ZNF577: variants seen among roughly 807,000 people sequenced by gnomAD.
The protein encoded by ZNF577 is zinc finger protein 577.
Under a neutral mutation model 13.9 loss-of-function variants are expected in ZNF577, and 14 were observed. That is an observed-to-expected ratio of 1.00 (90% CI 0.66 to 1.57). ZNF577 has a LOEUF of 1.57. ZNF577 is among the 40% of genes most tolerant of loss of function. The pLI, the probability that ZNF577 is intolerant of heterozygous loss-of-function variation, is 0.00. For missense variants in ZNF577, 555 were observed against 579.2 expected, an observed-to-expected ratio of 0.96 and a Z score of 0.43; for synonymous variants, 203 against 202.9, an observed-to-expected ratio of 1.00 and a Z score of 0.00.
At chr19:51,812,130 A>G (rs1286225452) in intron 9 of ZNF577, among the ~76,000 whole-genome samples, 1 of 152,236 alleles carries the variant, frequency 6.6e-6, no homozygotes, top group Non-Finnish European at 1.5e-5. Flanking sequence ...GGAGGTAGAC[A>G]TAATAAATAA....
In ZNF577 at chr19:51,880,766, G is replaced by A. The variant is rs1164372247; in HGVS notation, c.-107C>T. On this transcript the variant is annotated 5_prime_UTR_variant, in exon 2 of 6. Coordinates refer to ENST00000638348, the MANE Select transcript of ZNF577 (RefSeq NM_001370449.1). ...CTGTCTATTCTGGGCCTTCCCAGAA[G>A]TGGTGGTCAGGTATCATCTCAGGTC... The A allele has an allele frequency of 5.3e-6, 1 of 188,410 alleles. No homozygotes were observed. The highest frequency in any genetic ancestry group is 1.1e-5 in the Non-Finnish European group (1 of 90,486). 11.7% of individuals were successfully genotyped at this position (188,410 alleles called of 1,614,324 possible).
chr19:51,834,188 T>C (rs1199179952), intron 9 of ZNF577, among the ~76,000 whole-genome samples: 3 of 152,156 alleles, frequency 2.0e-5, no homozygotes, highest in Non-Finnish European at 4.4e-5. Flanking sequence ...AACCCTGGGC[T>C]CAAGTGATCC....
rs1433082 is a variant in ZNF577 at position 51,887,473 on chromosome 19, C to A, written c.-871G>T. The stretch of plus-strand genomic sequence containing the variant: ...TTGGGTCGCAATGAACCTGAAAACC[C>A]ATTTTCTACAGAATATACAGCAGCA... On this transcript the variant is annotated 5_prime_UTR_variant, in exon 1 of 6. An upstream start codon of the reference 5' UTR is lost. Transcript: ENST00000638348. 34,477 of 151,904 alleles carry A rather than the reference C, an allele frequency of 0.23. 4,279 individuals carry two copies. The highest frequency in any genetic ancestry group is 0.4 in the South Asian group (1,931 of 4,814). The allele number at this position is 151,904 out of a possible 1,614,324, so 9.4% of individuals were successfully genotyped here. A position where few individuals can be genotyped will look rare whatever the true frequency, so the allele number is the denominator to read the frequency against.
intron 5 of ZNF577, among the ~76,000 whole-genome samples, chr19:51,852,677 T>C (rs1388696476): frequency 6.6e-6 from 1 of 151,902 alleles, no homozygotes; most frequent in African/African-American, 2.4e-5. Flanking sequence ...ATCTTGCCCA[T>C]AGAAGGTGAT....
Position 51,824,498 on chromosome 19 carries a change from C to T in ZNF577, c.*600-12824G>A, listed in dbSNP as rs2122500533. The T allele has an allele frequency of 6.2e-7, 1 of 1,614,006 alleles. No homozygotes were observed. Among genetic ancestry groups the T allele is most frequent in the Non-Finnish European group, 8.5e-7 (1 of 1,179,968 alleles). On this transcript the variant is annotated intron_variant and NMD_transcript_variant, in intron 9 of 10. Coordinates refer to the ZNF577 transcript ENST00000638827. The surrounding 1 kb of genome is among the most constrained non-coding windows in gnomAD (Gnocchi z 4.7). ...TCTTCGCTGCTGTGGTGGCTTCTTT[C>T]TTCATCTGTTGGTTCCCTTATGAAC...
At chr19:51,858,658 G>T (rs377503365) in intron 5 of ZNF577, among the ~76,000 whole-genome samples, 5 of 152,036 alleles carry the variant, frequency 3.3e-5, no homozygotes, top group East Asian at 1.9e-4. Flanking sequence ...AGGTTTCACT[G>T]ATAACCAAAA....
intron 10 of ZNF577, among the ~76,000 whole-genome samples, chr19:51,807,947 G>A (rs1356609539): frequency 2.0e-5 from 3 of 152,222 alleles, no homozygotes; most frequent in Non-Finnish European, 4.4e-5. Flanking sequence ...TAGATAGAAA[G>A]AACCATTCTA....
chr19:51,862,681 G>A (rs1466532800), downstream of ZNF577: 1 of 151,966 alleles, frequency 6.6e-6, no homozygotes, highest in Non-Finnish European at 1.5e-5. Context: ...AACTTTCTGA[G>A]GATAACTGAG....
rs2084644405 is a variant in ZNF577 at position 51,870,638 on chromosome 19, A to C, written c.*1894T>G. Among the ~76,000 whole-genome samples the C allele has an allele frequency of 6.6e-6, 1 of 152,162 alleles. No homozygotes were observed. Among genetic ancestry groups the C allele is most frequent in the East Asian group, 1.9e-4 (1 of 5,190 alleles). ...GGGGGTTTCTCACATACATATGCTG[A>C]TTATGACTCAAAAGGCTTGTGGGGG... is the stretch of plus-strand genomic sequence containing the variant. On this transcript the variant is annotated 3_prime_UTR_variant, in exon 6 of 6. Transcript: ENST00000638348.
intron 5 of ZNF577, among the ~76,000 whole-genome samples, chr19:51,875,174 T>C (rs1318541189): frequency 6.6e-6 from 1 of 151,484 alleles, no homozygotes; most frequent in Non-Finnish European, 1.5e-5. Flanking sequence ...CTGGCCAACA[T>C]GCTGAAACCC....
chr19:51,816,004 C>A (rs550365810), intron 9 of ZNF577, among the ~76,000 whole-genome samples: 31 of 151,864 alleles, frequency 2.0e-4, no homozygotes, highest in Admixed American at 3.9e-4. Context: ...GAGTTTGAGG[C>A]TGCAGTGAGC....
At chr19:51,831,214 C>G (rs1329517497) in intron 9 of ZNF577, among the ~76,000 whole-genome samples, 1 of 152,128 alleles carries the variant, frequency 6.6e-6, no homozygotes, top group Non-Finnish European at 1.5e-5. Context: ...CTCCAAGGTT[C>G]AAGCAATTAT....
intron 9 of ZNF577, among the ~76,000 whole-genome samples, chr19:51,818,457 G>A (rs958846682): frequency 6.6e-6 from 1 of 152,108 alleles, no homozygotes; most frequent in Non-Finnish European, 1.5e-5. Context: ...TGCTACTTGT[G>A]GAGTTTGTAT....
At chr19:51,859,707 C>A (rs1254572746) in intron 5 of ZNF577, among the ~76,000 whole-genome samples, 1 of 151,994 alleles carries the variant, frequency 6.6e-6, no homozygotes, top group Non-Finnish European at 1.5e-5. Flanking sequence ...TGGTATAATC[C>A]TTTAGACTCC....
chr19:51,850,552 G>A (rs2215518), intron 5 of ZNF577, among the ~76,000 whole-genome samples: 5 of 152,028 alleles, frequency 3.3e-5, no homozygotes, highest in Non-Finnish European at 5.9e-5. Context: ...TACTGACTTT[G>A]TTCTGTAGCC....
chr19:51,805,467 G>A (rs2084052058), intron 10 of ZNF577, among the ~76,000 whole-genome samples: 2 of 152,316 alleles, frequency 1.3e-5, no homozygotes, highest in South Asian at 2.1e-4. Flanking sequence ...GATGTTGGAT[G>A]TGAAAGCTCC....
chr19:51,838,119 C>G (rs984602066), intron 9 of ZNF577, among the ~76,000 whole-genome samples: 4 of 152,200 alleles, frequency 2.6e-5, no homozygotes, highest in Non-Finnish European at 5.9e-5. Flanking sequence ...TTGTTTCACA[C>G]TGCTAAATTT....
intron 6 of ZNF577, chr19:51,844,735 T>C (rs2084341323): frequency 6.6e-6 from 1 of 152,226 alleles, no homozygotes; most frequent in Non-Finnish European, 1.5e-5. Context: ...AAAAATCTAC[T>C]GGGAAGTAAA....
chr19:51,820,267 A>G (rs2084178333), intron 9 of ZNF577, among the ~76,000 whole-genome samples: 1 of 152,220 alleles, frequency 6.6e-6, no homozygotes, highest in African/African-American at 2.4e-5. Context: ...ATCTGTAATC[A>G]TACATCCAGT....
Sources: gnomAD v4.1 joint callset for allele counts (sites outside exome capture counted in the v4.1 genomes callset) on GRCh38, gnomAD v4.1.1 for gene constraint, Gnocchi (gnomAD v3.1) non-coding constraint, MANE v1.5 for transcripts, NCBI Gene and HGNC (gene_info 2026-07-23, HGNC 2026-07-21) for gene names.